MEPE: variants seen among roughly 807,000 people sequenced by gnomAD.
MEPE encodes the protein matrix extracellular phosphoglycoprotein.
Under a neutral mutation model 7.3 loss-of-function variants are expected in MEPE, and 7 were observed. That is an observed-to-expected ratio of 0.95 (90% CI 0.54 to 1.79). MEPE has a LOEUF of 1.79. Among genes scored for constraint, MEPE ranks in the 40% most tolerant of loss-of-function variants. MEPE has a pLI of 0.00. For synonymous variants in MEPE, 214 were observed against 213.1 expected (o/e 1.00, Z -0.04); for missense variants, 623 against 628.2 (o/e 0.99, Z 0.09).
chr4:87,842,605 T>TA (rs1301390928), intron 3 of MEPE, among the ~76,000 whole-genome samples: 27 of 152,084 alleles, frequency 1.8e-4, no homozygotes, highest in Non-Finnish European at 2.4e-4. Flanking sequence ...GGTCTGAACA[T>TA]AGTCACCTAA....
Position 87,846,068 on chromosome 4 carries a change from T to TA in MEPE, c.1205dup (p.Asn402LysfsTer14). ...AAAGTACCAACTATAATGAAATTCC[T>TA]AAAAATGGCAAAGGCAGTACCAGAA... is the stretch of plus-strand genomic sequence containing the variant. On this transcript the variant is annotated frameshift_variant, in exon 4 of 4. Transcript: ENST00000361056. LOFTEE classifies it low-confidence loss of function (END_TRUNC). 6.2e-7 allele frequency: 1 copy of TA among 1,613,954 alleles called. No individual in the cohort carries two copies.
rs143843754 is a variant in MEPE at position 87,834,254 on chromosome 4, C to T, written c.-12-449C>T. 3.6e-3 allele frequency among the ~76,000 whole-genome samples: 544 copies of T among 152,304 alleles called. 1 individual carries two copies. Among genetic ancestry groups the T allele is most frequent in the Middle Eastern group, 0.01 (3 of 294 alleles). On this transcript the variant is annotated intron_variant, in intron 1 of 3. Transcript: ENST00000361056. Reference sequence around the variant, plus strand: ...TGAACATGAGACACAGATTAGGGCACCAGCCCGGAGGCAGATAAGCTTTCC... The same window carrying T: ...TGAACATGAGACACAGATTAGGGCATCAGCCCGGAGGCAGATAAGCTTTCC...
upstream of MEPE, among the ~76,000 whole-genome samples, chr4:87,829,663 T>C (rs1722551243): frequency 3.9e-5 from 6 of 152,240 alleles, no homozygotes; most frequent in South Asian, 1.2e-3. Context: ...ATACACATTA[T>C]TATAGAAATT....
rs774922888 is a variant in MEPE at position 87,846,027 on chromosome 4, AG to A, written c.1160del (p.Ser387IlefsTer25). 1 of 1,614,076 alleles carries A rather than the reference AG, an allele frequency of 6.2e-7. No individual in the cohort carries two copies. The highest frequency in any genetic ancestry group is 8.5e-7 in the Non-Finnish European group (1 of 1,179,968). ...APSKEKRKEG[S>X]SDAAESTNYN... ...CTCAAAAGAGAAAAGAAAAGAAGGC[AG>A]TAGTGATGCAGCTGAAAGTACCAAC... On this transcript the variant is annotated frameshift_variant, in exon 4 of 4. Transcript: ENST00000361056. LOFTEE classifies it low-confidence loss of function (END_TRUNC).
In MEPE at chr4:87,838,531, A is replaced by G. The variant is rs1318483630; in HGVS notation, c.55-101A>G. 19 of 1,043,266 alleles carry G rather than the reference A, an allele frequency of 1.8e-5. No individual in the cohort carries two copies. In the South Asian group the frequency reaches 2.5e-4, roughly 14 times the overall value. 64.6% of individuals were successfully genotyped at this position (1,043,266 alleles called of 1,614,324 possible). Reference sequence around the variant, plus strand: ...TTAGAATGATTTTCCACAGTGAATAATACAACTCAGTGAGAGAAAAATAAA... The same window carrying G: ...TTAGAATGATTTTCCACAGTGAATAGTACAACTCAGTGAGAGAAAAATAAA... On this transcript the variant is annotated intron_variant, in intron 2 of 3. Transcript: ENST00000361056.
At chr4:87,825,554 T>C (rs1722443293) in intron 1 of MEPE, among the ~76,000 whole-genome samples, 1 of 152,254 alleles carries the variant, frequency 6.6e-6, no homozygotes, top group South Asian at 2.1e-4. Context: ...CTGACAGTTT[T>C]GACGAACAAG....
At chr4:87,826,042 A>G (rs1722455098) in intron 1 of MEPE, among the ~76,000 whole-genome samples, 2 of 152,124 alleles carry the variant, frequency 1.3e-5, no homozygotes. Flanking sequence ...GCTGCATAGT[A>G]TTCCATGGTG....
intron 3 of MEPE, 105 bp from the exon 4 acceptor site, chr4:87,844,872 C>T: frequency 1.1e-6 from 1 of 906,288 alleles, no homozygotes; most frequent in Non-Finnish European, 1.6e-6. Flanking sequence ...TTAATAGATC[C>T]TTTTTATTAA....
In MEPE at chr4:87,845,227, C is replaced by G. The variant is rs777048426; in HGVS notation, c.359C>G (p.Ser120Ter). The change falls in exon 4 of 4, where the codon TCA (serine) becomes TGA (stop). Residue 120 changes from serine (S) to a stop codon, truncating the protein, a stop_gained. Coordinates refer to ENST00000361056, the MANE Select transcript of MEPE (RefSeq NM_020203.6). LOFTEE classifies it low-confidence loss of function (END_TRUNC). Reference sequence around the variant, plus strand: ...CTGAGGATGTCAATTTATCCTAAGTCAACTGGGAATAAAGGGTTTGAGGAT... The same window carrying G: ...CTGAGGATGTCAATTTATCCTAAGTGAACTGGGAATAAAGGGTTTGAGGAT... ...NGLRMSIYPK[S>*]TGNKGFEDGD... is the part of the protein sequence containing the mutation. The G allele has an allele frequency of 1.9e-6, 3 of 1,613,826 alleles. No homozygotes were observed. Among genetic ancestry groups the G allele is most frequent in the Non-Finnish European group, 2.5e-6 (3 of 1,179,960 alleles).
At position 87,846,631 on chromosome 4, in the gene MEPE, T is replaced by C. The variant is rs1723282803; in HGVS notation, c.*185T>C. 5 of 568,552 alleles carry C rather than the reference T, an allele frequency of 8.8e-6. No individual in the cohort carries two copies. The East Asian group carries it at 1.5e-4, about 17-fold the overall frequency. The allele number at this position is 568,552 out of a possible 1,614,324, so 35.2% of individuals were successfully genotyped here. On this transcript the variant is annotated 3_prime_UTR_variant, in exon 4 of 4. Coordinates refer to ENST00000361056, the MANE Select transcript of MEPE (RefSeq NM_020203.6). The stretch of plus-strand genomic sequence containing the variant: ...TTAATAGTCACAGTATAAAATTCTA[T>C]TAAAGGCTATAATGTTTTTAAGCAA...
chr4:87,846,390 G>A lies in MEPE; in HGVS notation c.1522G>A (p.Asp508Asn). ...CAGGAGGTTTAGTTCCCGTAGAAGG[G>A]ATGACAGTAGTGAGTCATCTGACAG... ...SNRRFSSRRR[D>N]DSSESSDSGS... Residue 508 changes from aspartate (D) to asparagine (N), a missense_variant, in exon 4 of 4, where the codon GAT becomes AAT. Coordinates refer to ENST00000361056, the MANE Select transcript of MEPE (RefSeq NM_020203.6). The A allele has an allele frequency of 1.2e-6, 2 of 1,614,054 alleles. No homozygotes were observed. The highest frequency in any genetic ancestry group is 2.2e-5 in the East Asian group (1 of 44,876).
chr4:87,841,371 T>C (rs1723007839), intron 3 of MEPE, among the ~76,000 whole-genome samples: 1 of 152,208 alleles, frequency 6.6e-6, no homozygotes, highest in Admixed American at 6.5e-5. Flanking sequence ...TATTTAGTGA[T>C]ATACTACAAA....
upstream of MEPE, among the ~76,000 whole-genome samples, chr4:87,832,462 A>G (rs1722624346): frequency 6.6e-6 from 1 of 151,976 alleles, no homozygotes; most frequent in African/African-American, 2.4e-5. Flanking sequence ...TAACTCATTT[A>G]TCTTGTTTAT....
chr4:87,842,152 T>C (rs1353510744), intron 3 of MEPE, among the ~76,000 whole-genome samples: 2 of 152,206 alleles, frequency 1.3e-5, no homozygotes, highest in East Asian at 3.8e-4. Flanking sequence ...GTTCTTTCCA[T>C]AGCACAGCTA....
chr4:87,833,144 A>C (rs747651125), intron 1 of MEPE, 130 bp downstream of exon 1: 6 of 152,156 alleles, frequency 3.9e-5, no homozygotes, highest in Non-Finnish European at 7.3e-5. Context: ...AAACTGTGTA[A>C]TATTTGGTGC....
At chr4:87,828,808 G>T (rs897269974), upstream of MEPE, among the ~76,000 whole-genome samples, 1 of 152,182 alleles carries the variant, frequency 6.6e-6, no homozygotes, top group South Asian at 2.1e-4. Flanking sequence ...GTCAGGCTAG[G>T]TGCATCATTG....
At chr4:87,839,901 C>T (rs1560539832) in intron 3 of MEPE, 1 of 1,539,144 alleles carries the variant, frequency 6.5e-7, no homozygotes, top group South Asian at 1.2e-5. Flanking sequence ...ATGGCTGGCA[C>T]TTTTGTCCCT....
Position 87,845,928 on chromosome 4 carries a change from G to C in MEPE, c.1060G>C (p.Glu354Gln). ...CAATTTTAAGGAGCTCCCTGGAAGA[G>C]AAGGAAACAGAGTGGATGCTGGCAG... ...STNFKELPGR[E>Q]GNRVDAGSQN... Residue 354 changes from glutamate (E) to glutamine (Q), a missense_variant, in exon 4 of 4, where the codon GAA becomes CAA. Coordinates refer to ENST00000361056, the MANE Select transcript of MEPE (RefSeq NM_020203.6). 6.2e-7 allele frequency: 1 copy of C among 1,614,000 alleles called. No homozygotes were observed. Among genetic ancestry groups the C allele is most frequent in the Admixed American group, 1.7e-5 (1 of 59,962 alleles).
At chr4:87,828,891 C>T (rs968296902), upstream of MEPE, among the ~76,000 whole-genome samples, 2 of 152,146 alleles carry the variant, frequency 1.3e-5, no homozygotes, top group Non-Finnish European at 2.9e-5. Flanking sequence ...TTTCCCTTCT[C>T]AGTTGTTTCC....
Sources: allele counts gnomAD v4.1 joint callset (sites outside exome capture counted in the v4.1 genomes callset), GRCh38; gene constraint gnomAD v4.1.1; transcripts MANE v1.5; gene names NCBI Gene and HGNC (gene_info 2026-07-23, HGNC 2026-07-21).